FAM149A: variants seen among roughly 807,000 people sequenced by gnomAD.
FAM149A encodes the protein family with sequence similarity 149 member A.
FAM149A carries 71 observed loss-of-function variants against 78.2 expected under a neutral mutation model. The ratio of observed to expected loss-of-function variants is 0.91; its 90% CI spans 0.75 to 1.11. The LOEUF (loss-of-function observed/expected upper bound fraction) is 1.11. FAM149A is among the 50% of genes least tolerant of loss of function. The pLI is 0.00. For missense variants in FAM149A, 1,036 were observed against 971.0 expected (o/e 1.07, Z -0.89); for synonymous variants, 446 against 410.5 (o/e 1.09, Z -1.04).
chr4:186,171,058 C>CT (rs1457875973), intron 13 of FAM149A: 2 of 152,518 alleles, frequency 1.3e-5, no homozygotes, highest in African/African-American at 4.8e-5. Flanking sequence ...AGTGGCCCAG[C>CT]TGTGCAAGAG....
At chr4:186,159,532 G>C (rs754150969) in intron 8 of FAM149A, among the ~76,000 whole-genome samples, 19 of 152,202 alleles carry the variant, frequency 1.2e-4, no homozygotes, top group Non-Finnish European at 2.8e-4. Flanking sequence ...GAATCGAGAG[G>C]CCTGAGAGGA....
chr4:186,149,029 TGTGC>T, intron 1 of FAM149A, 140 bp from the exon 2 acceptor site: 2 of 316,840 alleles, frequency 6.3e-6, no homozygotes, highest in Non-Finnish European at 5.8e-6. Context: ...TGTGTGTGTG[TGTGC>T]GCTCATGCAC....
At chr4:186,159,324 T>C (rs773834682) in intron 8 of FAM149A, among the ~76,000 whole-genome samples, 1 of 151,902 alleles carries the variant, frequency 6.6e-6, no homozygotes, top group Non-Finnish European at 1.5e-5. Context: ...AGGAGGGGGA[T>C]TGGTCTTTTA....
chr4:186,124,840 C>G (rs1299828647), intron 1 of FAM149A, among the ~76,000 whole-genome samples: 2 of 152,134 alleles, frequency 1.3e-5, no homozygotes, highest in African/African-American at 4.8e-5. Context: ...AATTGCCACA[C>G]TGTCTTCCAC....
At chr4:186,158,652 G>A in intron 8 of FAM149A, 1 of 1,084,922 alleles carries the variant, frequency 9.2e-7, no homozygotes, top group Non-Finnish European at 1.1e-6. Flanking sequence ...CCCAGGTTGA[G>A]GGTGGAGACC....
rs372551947 is a variant in FAM149A, at chr4:186,120,135, A to G, written c.566+14493A>G. ...ATTCCATAAAGCCAGGGTTCTTAGC[A>G]TTTGAAGTAACGGCTGGTATTTCAG... On this transcript the variant is annotated intron_variant, in intron 1 of 13. Transcript: ENST00000389354. Among the ~76,000 whole-genome samples the G allele has an allele frequency of 1.4e-4, 21 of 152,334 alleles. 1 individual carries two copies. Among genetic ancestry groups the G allele is most frequent in the African/African-American group, 5.1e-4 (21 of 41,578 alleles).
At chr4:186,158,123 T>A in intron 8 of FAM149A, 2 of 1,305,560 alleles carry the variant, frequency 1.5e-6, no homozygotes, top group Non-Finnish European at 2.0e-6. Flanking sequence ...GAGGTCCCTG[T>A]CTTGCTCCAG....
chr4:186,110,528 A>G (rs1320463360), intron 1 of FAM149A, among the ~76,000 whole-genome samples: 7 of 136,638 alleles, frequency 5.1e-5, no homozygotes, highest in East Asian at 2.2e-4. Context: ...ATATCTCCCA[A>G]TGCTATCCCT....
In FAM149A at chr4:186,167,020, C is replaced by T. The variant is rs1394273133; in HGVS notation, c.2063C>T (p.Thr688Ile). Residue 688 changes from threonine to isoleucine, a missense_variant, in exon 12 of 14, where the codon ACA (threonine) becomes ATA (isoleucine). Thr to Ile is a moderately conservative substitution (Grantham distance 89, BLOSUM62 -1). Coordinates refer to ENST00000389354, the MANE Select transcript of FAM149A (RefSeq NM_001367768.3). Reference sequence around the variant, plus strand: ...GTGTTGAGTGCCATGCCTGACGGTACAGAACGATCGCGTCTTCGAGAAAGA... The same window carrying T: ...GTGTTGAGTGCCATGCCTGACGGTATAGAACGATCGCGTCTTCGAGAAAGA... 2 of 1,614,080 alleles carry T rather than the reference C, an allele frequency of 1.2e-6. No individual in the cohort carries two copies. The highest frequency in any genetic ancestry group is 1.7e-6 in the Non-Finnish European group (2 of 1,179,950).
chr4:186,165,309 AC>A, intron 10 of FAM149A, 34 bp from the exon 11 acceptor site: 1 of 1,613,136 alleles, frequency 6.2e-7, no homozygotes. Context: ...TTATCCATGT[AC>A]CTGGGTGCTC....
rs1561396493 is a variant in FAM149A at position 186,136,992 on chromosome 4, C to CTCTCTCTCTCTT, written c.567-12170_567-12169insTTCTCTCTCTCT. Among the ~76,000 whole-genome samples the CTCTCTCTCTCTT allele has an allele frequency of 3.0e-3, 379 of 126,738 alleles. 7 individuals are homozygous for CTCTCTCTCTCTT. Among genetic ancestry groups the CTCTCTCTCTCTT allele is most frequent in the Non-Finnish European group, 3.7e-3 (215 of 58,878 alleles). The allele number at this position is 126,738 out of a possible 152,430, so 83.1% of individuals were successfully genotyped here. ...TCTCTCTCTTTCTCTCTCTCTCTCTCTCTCTCTCTCTCTCTCTCTCTCTCT... is the reference window on the plus strand; with the variant it reads ...TCTCTCTCTTTCTCTCTCTCTCTCTCTCTCTCTCTCTTTCTCTCTCTCTCTCTCTCTCTCTCT... On this transcript the variant is annotated intron_variant, in intron 1 of 13. Transcript: ENST00000389354.
chr4:186,120,333 A>G (rs879582181), intron 1 of FAM149A, among the ~76,000 whole-genome samples: 11 of 152,242 alleles, frequency 7.2e-5, no homozygotes, highest in Admixed American at 1.3e-4. Flanking sequence ...GTAAGATTGA[A>G]TTCCTGGAAA....
intron 1 of FAM149A, chr4:186,130,291 CTCTA>C (rs1309475141): frequency 5.1e-5 from 2 of 39,398 alleles, no homozygotes; most frequent in African/African-American, 1.2e-4. Flanking sequence ...CTCTCTCTCT[CTCTA>C]TATATATATA....
chr4:186,136,963 TTTCTCTCTCTCTTTCTCTCTC>T (rs2099323193), intron 1 of FAM149A, among the ~76,000 whole-genome samples: 44 of 103,296 alleles, frequency 4.3e-4, no homozygotes, highest in Admixed American at 6.2e-4. Context: ...TCTCTCTCTC[TTTCTCTCTCTCTTTCTCTCTC>T]TCTCTCTCTC....
At chr4:186,109,381 T>G (rs1326673833) in intron 1 of FAM149A, 1 of 745,460 alleles carries the variant, frequency 1.3e-6, no homozygotes, top group Non-Finnish European at 1.6e-6. Context: ...AGTGGCTGCT[T>G]GAAGGGCCTG....
intron 3 of FAM149A, chr4:186,151,136 A>C: frequency 1.3e-6 from 1 of 794,766 alleles, no homozygotes. Context: ...AAAGGGACTC[A>C]GCTCAGCACT....
Position 186,149,042 on chromosome 4 carries a change from A to G in FAM149A, c.567-131A>G, listed in dbSNP as rs189110465. ...TGTGTGTGTGTGTGTGCGCTCATGCACAGGTGGGTTTGGAGGGATGTGGCA... is the reference window on the plus strand; with the variant it reads ...TGTGTGTGTGTGTGTGCGCTCATGCGCAGGTGGGTTTGGAGGGATGTGGCA... On this transcript the variant is annotated intron_variant, in intron 1 of 13. Transcript: ENST00000389354. 3.7e-3 allele frequency: 1,668 copies of G among 448,654 alleles called. 19 individuals carry two copies. The highest frequency in any genetic ancestry group is 4.2e-3 in the Non-Finnish European group (1,158 of 275,732). The allele number at this position is 448,654 out of a possible 1,614,324, so 27.8% of individuals were successfully genotyped here. A position where few individuals can be genotyped will look rare whatever the true frequency, so the allele number is the denominator to read the frequency against.
At chr4:186,143,580 T>A (rs1267344458) in intron 1 of FAM149A, among the ~76,000 whole-genome samples, 2 of 152,168 alleles carry the variant, frequency 1.3e-5, no homozygotes, top group Non-Finnish European at 2.9e-5. Context: ...AGAGTCTCCC[T>A]CTGTCGCCCA....
Position 186,167,017 on chromosome 4 carries a change from G to A in FAM149A, c.2060G>A (p.Gly687Asp), listed in dbSNP as rs763114143. 6.8e-6 allele frequency: 11 copies of A among 1,614,110 alleles called. No individual in the cohort carries two copies. The South Asian group carries it at 1.2e-4, about 18-fold the overall frequency. Residue 687 changes from glycine to aspartate, a missense_variant, in exon 12 of 14, where the codon GGT becomes GAT. Gly to Asp is a moderately conservative substitution (Grantham distance 94, BLOSUM62 -1). Transcript: ENST00000389354. ...CGTGTGTTGAGTGCCATGCCTGACG[G>A]TACAGAACGATCGCGTCTTCGAGAA...
Sources: gnomAD v4.1 joint callset for allele counts (sites outside exome capture counted in the v4.1 genomes callset) on GRCh38, gnomAD v4.1.1 for gene constraint, MANE v1.5 for transcripts, NCBI Gene and HGNC (gene_info 2026-07-23, HGNC 2026-07-21) for gene names.